The following CEP85L variants were observed in gnomAD, a reference collection of about 807,000 sequenced individuals.
The protein encoded by CEP85L is centrosomal protein of 85 kDa-like.
A neutral mutation model predicts 100.3 loss-of-function variants in CEP85L; 60 were observed. The ratio of observed to expected loss-of-function variants is 0.60; its 90% confidence interval spans 0.49 to 0.74. The LOEUF (loss-of-function observed/expected upper bound fraction) is 0.74. CEP85L is among the 30% of genes least tolerant of loss of function. The pLI is 0.00. For missense variants in CEP85L, 973 were observed against 936.2 expected, an observed-to-expected ratio of 1.04 and a Z score of -0.51; for synonymous variants, 319 against 322.7, an observed-to-expected ratio of 0.99 and a Z score of 0.12.
At chr6:118,525,134 T>C (rs1228224896) in intron 3 of CEP85L, among the ~76,000 whole-genome samples, 1 of 152,194 alleles carries the variant, frequency 6.6e-6, no homozygotes, top group Non-Finnish European at 1.5e-5. Context: ...ACAACAGTAG[T>C]AAGTATATCC....
At chr6:118,709,092 A>T (rs1777694351) in intron 1 of CEP85L, among the ~76,000 whole-genome samples, 1 of 152,164 alleles carries the variant, frequency 6.6e-6, no homozygotes, top group Non-Finnish European at 1.5e-5. Flanking sequence ...ACAGAGAAAC[A>T]AGAGCAGCAC....
intron 1 of CEP85L, among the ~76,000 whole-genome samples, chr6:118,648,739 C>CA (rs11442696): frequency 0.2 from 14,485 of 72,858 alleles, 1,038 homozygotes; most frequent in African/African-American, 0.28. Flanking sequence ...AAGACTGTCT[C>CA]AAAAAAAAAA....
At chr6:118,612,553 T>TG (rs1772699428) in intron 2 of CEP85L, among the ~76,000 whole-genome samples, 2 of 145,518 alleles carry the variant, frequency 1.4e-5, no homozygotes, top group Admixed American at 1.4e-4. Context: ...TCCCAGCTAC[T>TG]GGGGAGGCTG....
intron 2 of CEP85L, among the ~76,000 whole-genome samples, chr6:118,592,723 T>G (rs1186989510): frequency 6.6e-6 from 1 of 152,016 alleles, no homozygotes; most frequent in African/African-American, 2.4e-5. Flanking sequence ...AAACCTCTTA[T>G]CATGATCATG....
chr6:118,592,914 T>C (rs1029675096), intron 2 of CEP85L, among the ~76,000 whole-genome samples: 1 of 152,204 alleles, frequency 6.6e-6, no homozygotes, highest in Middle Eastern at 3.2e-3. Flanking sequence ...TGTACAAATA[T>C]AGGTTACCAC....
intron 3 of CEP85L, among the ~76,000 whole-genome samples, chr6:118,543,918 C>T (rs1207855000): frequency 6.6e-6 from 1 of 152,164 alleles, no homozygotes; most frequent in Non-Finnish European, 1.5e-5. Flanking sequence ...TAATAAACGT[C>T]TATGAAAGTT....
chr6:118,630,431 C>T (rs1774071451), intron 2 of CEP85L, among the ~76,000 whole-genome samples: 1 of 152,176 alleles, frequency 6.6e-6, no homozygotes. Context: ...TGAACCTCAT[C>T]ATTCTTCAGC....
chr6:118,560,033 A>C (rs1184778081), intron 3 of CEP85L: 5 of 167,134 alleles, frequency 3.0e-5, no homozygotes, highest in African/African-American at 1.2e-4. Flanking sequence ...CAATGCAGGC[A>C]AGGAAAATAA....
chr6:118,702,043 T>G (rs1777427466), intron 1 of CEP85L, among the ~76,000 whole-genome samples: 1 of 152,178 alleles, frequency 6.6e-6, no homozygotes, highest in Non-Finnish European at 1.5e-5. Context: ...TGCTCAATCT[T>G]GGAAATACAT....
At chr6:118,517,986 G>C (rs1282554052) in intron 4 of CEP85L, among the ~76,000 whole-genome samples, 1 of 152,202 alleles carries the variant, frequency 6.6e-6, no homozygotes, top group African/African-American at 2.4e-5. Flanking sequence ...CATCTATTAA[G>C]ATAATCGTGT....
At chr6:118,706,388 C>T (rs1040091684) in intron 1 of CEP85L, among the ~76,000 whole-genome samples, 2 of 152,146 alleles carry the variant, frequency 1.3e-5, no homozygotes, top group African/African-American at 4.8e-5. Flanking sequence ...AAAGCAGAAA[C>T]CCTGTAAGAC....
rs62422188 is a variant in CEP85L at position 118,581,602 on chromosome 6, G to A, written c.233-15286C>T. ...CAGGCGGCACATTTAACTGGGTGCCGGGACCCAGGAACCAGGGAGGGAGAC... is the reference window on the plus strand; with the variant it reads ...CAGGCGGCACATTTAACTGGGTGCCAGGACCCAGGAACCAGGGAGGGAGAC... On this transcript the variant is annotated intron_variant, in intron 2 of 12. Transcript: ENST00000368491. Among the ~76,000 whole-genome samples, 1,109 of 152,066 alleles carry A rather than the reference G, an allele frequency of 7.3e-3. 7 individuals are homozygous for A. The highest frequency in any genetic ancestry group is 0.012 in the Non-Finnish European group (838 of 67,984).
At chr6:118,660,424 A>G (rs72958928) in intron 1 of CEP85L, among the ~76,000 whole-genome samples, 8,742 of 152,240 alleles carry the variant, frequency 0.057, 340 homozygotes, top group Middle Eastern at 0.12. Context: ...GAGCTGGGGG[A>G]GTTGGCAGAT....
chr6:118,636,501 A>C (rs1399527857), intron 1 of CEP85L, among the ~76,000 whole-genome samples: 1 of 152,236 alleles, frequency 6.6e-6, no homozygotes, highest in African/African-American at 2.4e-5. Flanking sequence ...TTAATTTTAC[A>C]TGACAACTTG....
chr6:118,619,276 G>C (rs1459335481), intron 2 of CEP85L, among the ~76,000 whole-genome samples: 2 of 152,154 alleles, frequency 1.3e-5, no homozygotes, highest in Non-Finnish European at 2.9e-5. Flanking sequence ...CTGTACCAAT[G>C]CCTGGCCACA....
intron 1 of CEP85L, among the ~76,000 whole-genome samples, chr6:118,698,447 G>A (rs558008204): frequency 7.6e-4 from 116 of 151,776 alleles, no homozygotes; most frequent in African/African-American, 2.7e-3. Context: ...AGAGAATGGA[G>A]AAGTAACATA....
intron 1 of CEP85L, among the ~76,000 whole-genome samples, chr6:118,686,033 C>A (rs1389241329): frequency 6.6e-6 from 1 of 152,140 alleles, no homozygotes; most frequent in Non-Finnish European, 1.5e-5. Context: ...TCGATTCATT[C>A]CCAAAGTGGG....
upstream of CEP85L, chr6:118,651,609 A>G: frequency 3.9e-6 from 4 of 1,025,560 alleles, no homozygotes; most frequent in Non-Finnish European, 3.5e-6. Flanking sequence ...CTCCGCCGGC[A>G]GAGCCAGAGC....
chr6:118,654,151 T>C (rs189185142), upstream of CEP85L, among the ~76,000 whole-genome samples: 1 of 152,320 alleles, frequency 6.6e-6, no homozygotes, highest in Non-Finnish European at 1.5e-5. Flanking sequence ...CAGTCACTCA[T>C]GCCTGTAATC....
Sources: allele counts gnomAD v4.1 joint callset (sites outside exome capture counted in the v4.1 genomes callset), GRCh38; gene constraint gnomAD v4.1.1; transcripts MANE v1.5; gene names NCBI Gene and HGNC (gene_info 2026-07-23, HGNC 2026-07-21).